Variants in GABBR1 observed in about 807,000 individuals in gnomAD.
GABBR1 encodes the protein GABA-B receptor, R1 subunit.
A neutral mutation model predicts 117.7 loss-of-function variants in GABBR1; 35 were observed. The ratio of observed to expected loss-of-function variants is 0.30; its 90% CI spans 0.23 to 0.39. The LOEUF is 0.39. Among genes scored for constraint, GABBR1 ranks in the 10% least tolerant of loss-of-function variants. The probability of loss-of-function intolerance (pLI) is 1.00; values close to 1 mark genes in which losing one functional copy is unlikely to be tolerated. For missense variants in GABBR1, 709 were observed against 1,241.8 expected (o/e 0.57, Z 6.45); for synonymous variants, 442 against 486.6 (o/e 0.91, Z 1.21).
chr6:29,632,958 G>A lies in GABBR1; in HGVS notation c.-109C>T. 5.4e-6 allele frequency: 1 copy of A among 184,230 alleles called. No homozygotes were observed. The highest frequency in any genetic ancestry group is 1.2e-5 in the Non-Finnish European group (1 of 85,512). 11.4% of individuals were successfully genotyped at this position (184,230 alleles called of 1,614,324 possible). A position where few individuals can be genotyped will look rare whatever the true frequency, so the allele number is the denominator to read the frequency against. On this transcript the variant is annotated 5_prime_UTR_variant, in exon 1 of 23. It adds an upstream start codon to the 5' untranslated region. Coordinates refer to ENST00000377034, the MANE Select transcript of GABBR1 (RefSeq NM_001470.4). The surrounding 1 kb of genome is among the most constrained non-coding windows in gnomAD (Gnocchi z 5.8). ...TCTCCTCCACCTTTCTCCTCCTCCC[G>A]TCCCTCCTCCCCTCGAATCCAGGCT...
At position 29,623,417 on chromosome 6, in the gene GABBR1, A is replaced by T; in HGVS notation, c.851T>A (p.Phe284Tyr). The T allele has an allele frequency of 6.2e-7, 1 of 1,614,016 alleles. No homozygotes were observed. Among genetic ancestry groups the T allele is most frequent in the Non-Finnish European group, 8.5e-7 (1 of 1,180,000 alleles). Residue 284 changes from phenylalanine (F) to tyrosine (Y), a missense_variant, in exon 8 of 23, where the codon TTC becomes TAC. Physicochemically the swap from Phe to Tyr is conservative, Grantham distance 22. Coordinates refer to ENST00000377034, the MANE Select transcript of GABBR1 (RefSeq NM_001470.4). This position sits in a 1 kb window ranked among gnomAD's most constrained non-coding sequence, Gnocchi z 6.2. The stretch of plus-strand genomic sequence containing the variant: ...GAGTGTGGCTGATGGGTGCGTTCGG[A>T]AGAAAGTGGGGAAACGCTGCCGGTT... Reference protein sequence around the residue: ...LSNRQRFPTFFRTHPSATLHN... With the variant: ...LSNRQRFPTFYRTHPSATLHN...
Position 29,605,795 on chromosome 6 carries a change from A to AG in GABBR1, c.2312-100dup. On this transcript the variant is annotated intron_variant, in intron 19 of 22. Transcript: ENST00000377034. The surrounding 1 kb of genome is among the most constrained non-coding windows in gnomAD (Gnocchi z 4.2). ...GCCCTTCACCTACTCTGAAATGGAA[A>AG]GGGGGCCCTCCTCTCCAATCCAACC... 1.4e-6 allele frequency: 2 copies of AG among 1,444,550 alleles called. No homozygotes were observed. The allele number at this position is 1,444,550 out of a possible 1,614,324, so 89.5% of individuals were successfully genotyped here.
Position 29,608,656 on chromosome 6 carries a change from G to A in GABBR1, c.1937C>T (p.Pro646Leu), listed in dbSNP as rs1460036447. The A allele has an allele frequency of 1.9e-6, 3 of 1,612,966 alleles. No homozygotes were observed. The highest frequency in any genetic ancestry group is 2.5e-6 in the Non-Finnish European group (3 of 1,180,036). ...AATGTGGTAACCATCGAGCCCCAGG[G>A]GGAAGACAGCAGCTAAAGCCAGTGA... ...GCSLALAAVFPLGLDGYHIGR... is the reference protein window; with the variant it reads ...GCSLALAAVFLLGLDGYHIGR... The change falls in exon 16 of 23, where the codon CCC (proline) becomes CTC (leucine). Residue 646 changes from proline (P) to leucine (L), a missense_variant. This residue lies in a region of GABBR1 where 251 missense variants were observed against 445.3 expected (regional missense o/e 0.56). Coordinates refer to ENST00000377034, the MANE Select transcript of GABBR1 (RefSeq NM_001470.4).
At position 29,604,588 on chromosome 6, in the gene GABBR1, G is replaced by T. The variant is rs1263612239; in HGVS notation, c.2618C>A (p.Thr873Asn). ...GTTGGTCGATGACCCTGTCTTCATG[G>T]TGTCCTGCGCCTCCGACTGCCATTC... Reference protein sequence around the residue: ...RGEWQSEAQDTMKTGSSTNNN... With the variant: ...RGEWQSEAQDNMKTGSSTNNN... Residue 873 changes from threonine (T) to asparagine (N), a missense_variant, in exon 22 of 23, where the codon ACC (threonine) becomes AAC (asparagine). Physicochemically the swap from Thr to Asn is moderately conservative, Grantham distance 65. Transcript: ENST00000377034. The surrounding 1 kb of genome is among the most constrained non-coding windows in gnomAD (Gnocchi z 5.3). The T allele has an allele frequency of 6.2e-7, 1 of 1,613,240 alleles. No homozygotes were observed. Among genetic ancestry groups the T allele is most frequent in the South Asian group, 1.1e-5 (1 of 91,088 alleles).
chr6:29,606,810 C>G lies in GABBR1; in HGVS notation c.2217+87G>C, dbSNP rs1191437628. On this transcript the variant is annotated intron_variant, in intron 18 of 22. Transcript: ENST00000377034. This position sits in a 1 kb window ranked among gnomAD's most constrained non-coding sequence, Gnocchi z 4.5. ...AGGCACTCTCTCCAAGTAGCTTCAT[C>G]CCTCAAGACACACACAGCCCCAGGG... 1.8e-6 allele frequency: 2 copies of G among 1,084,718 alleles called. No homozygotes were observed. Among genetic ancestry groups the G allele is most frequent in the Non-Finnish European group, 2.8e-6 (2 of 724,726 alleles). 67.2% of individuals were successfully genotyped at this position (1,084,718 alleles called of 1,614,324 possible).
chr6:29,627,449 G>GCCCCC lies in GABBR1; in HGVS notation c.657+32_657+36dup. On this transcript the variant is annotated intron_variant, in intron 6 of 22. Transcript: ENST00000377034. The surrounding 1 kb of genome is among the most constrained non-coding windows in gnomAD (Gnocchi z 4.4). ...AGCTGGCTGGCCCCCTGCCCCGCAA[G>GCCCCC]CCCCCACCTCCCACCCACCCCCATG... The GCCCCC allele has an allele frequency of 3.3e-6, 4 of 1,204,812 alleles. No homozygotes were observed. Among genetic ancestry groups the GCCCCC allele is most frequent in the South Asian group, 1.4e-5 (1 of 73,894 alleles). The allele number at this position is 1,204,812 out of a possible 1,614,324, so 74.6% of individuals were successfully genotyped here.
chr6:29,611,089 G>T lies in GABBR1; in HGVS notation c.1631-88C>A. 9.7e-7 allele frequency: 1 copy of T among 1,030,460 alleles called. No homozygotes were observed. Among genetic ancestry groups the T allele is most frequent in the South Asian group, 1.3e-5 (1 of 75,540 alleles). The allele number at this position is 1,030,460 out of a possible 1,614,324, so 63.8% of individuals were successfully genotyped here. A position where few individuals can be genotyped will look rare whatever the true frequency, so the allele number is the denominator to read the frequency against. ...CAACTTCCCACTTCCCTAGAGCTTT[G>T]CATGGTTGTATCTGATTTTATTTTC... is the stretch of plus-strand genomic sequence containing the variant. On this transcript the variant is annotated intron_variant, in intron 13 of 22. Transcript: ENST00000377034. This position sits in a 1 kb window ranked among gnomAD's most constrained non-coding sequence, Gnocchi z 4.6.
intron 11 of GABBR1, among the ~76,000 whole-genome samples, chr6:29,614,777 C>T (rs1277642207): frequency 1.3e-5 from 2 of 151,978 alleles, no homozygotes; most frequent in Non-Finnish European, 2.9e-5. Context: ...TTGTCCAAAC[C>T]CATAGAATAT....
chr6:29,624,130 C>G (rs1764036106), intron 6 of GABBR1, 106 bp from the exon 7 acceptor site: 1 of 1,105,106 alleles, frequency 9.0e-7, no homozygotes, highest in Non-Finnish European at 1.2e-6. Context: ...CTCAATTACT[C>G]ACTTTCATCA....
chr6:29,609,341 T>C lies in GABBR1; in HGVS notation c.1747A>G (p.Thr583Ala). The change falls in exon 15 of 23, where the codon ACA becomes GCA. Residue 583 changes from threonine to alanine, a missense_variant. Thr to Ala is a moderately conservative substitution (Grantham distance 58). Coordinates refer to ENST00000377034, the MANE Select transcript of GABBR1 (RefSeq NM_001470.4). The surrounding 1 kb of genome is among the most constrained non-coding windows in gnomAD (Gnocchi z 4.3). ...AGTTTCTGTGACAGGAAGCGGAATG[T>C]CTTGATGACCAGGGTCTGGTCAGCT... ...PPADQTLVIKTFRFLSQKLFI... is the reference protein window; with the variant it reads ...PPADQTLVIKAFRFLSQKLFI... The C allele has an allele frequency of 6.2e-7, 1 of 1,612,844 alleles. No individual in the cohort carries two copies. The highest frequency in any genetic ancestry group is 8.5e-7 in the Non-Finnish European group (1 of 1,180,002).
Position 29,632,425 on chromosome 6 carries a change from C to A in GABBR1, c.1-40G>T, listed in dbSNP as rs984731245. On this transcript the variant is annotated intron_variant, in intron 1 of 22. Transcript: ENST00000377034. This position sits in a 1 kb window ranked among gnomAD's most constrained non-coding sequence, Gnocchi z 5.8. ...GCCATGAGGACTGGACCGAGCCCCG[C>A]CGGCGCGGCCCGCACCCGGAGACTA... 9 of 1,312,792 alleles carry A rather than the reference C, an allele frequency of 6.9e-6. No individual in the cohort carries two copies. The highest frequency in any genetic ancestry group is 7.9e-6 in the Non-Finnish European group (8 of 1,015,182). The allele number at this position is 1,312,792 out of a possible 1,614,324, so 81.3% of individuals were successfully genotyped here. A position where few individuals can be genotyped will look rare whatever the true frequency, so the allele number is the denominator to read the frequency against.
rs369129232 is a variant in GABBR1 at position 29,622,778 on chromosome 6, G to A, written c.963+527C>T. On this transcript the variant is annotated intron_variant, in intron 8 of 22. Transcript: ENST00000377034. This position sits in a 1 kb window ranked among gnomAD's most constrained non-coding sequence, Gnocchi z 4.6. ...CCCCCTCAACCTCTCCTTGTCTGTC[G>A]GCTTCTCTCTCTTAGTACCAACTAC... 1.3e-5 allele frequency among the ~76,000 whole-genome samples: 2 copies of A among 151,372 alleles called. No individual in the cohort carries two copies. Among genetic ancestry groups the A allele is most frequent in the African/African-American group, 2.4e-5 (1 of 41,118 alleles).
Position 29,627,384 on chromosome 6 carries a change from C to G in GABBR1, c.657+102G>C. ...AGTCACACAAGGGAGGGGTCTGCCT[C>G]GCAATCCCAGAGACGACTCAGACAG... is the stretch of plus-strand genomic sequence containing the variant. On this transcript the variant is annotated intron_variant, in intron 6 of 22. Transcript: ENST00000377034. This position sits in a 1 kb window ranked among gnomAD's most constrained non-coding sequence, Gnocchi z 4.4. 8.1e-7 allele frequency: 1 copy of G among 1,232,180 alleles called. No homozygotes were observed. The highest frequency in any genetic ancestry group is 1.1e-6 in the Non-Finnish European group (1 of 884,698). 76.3% of individuals were successfully genotyped at this position (1,232,180 alleles called of 1,614,324 possible). A position where few individuals can be genotyped will look rare whatever the true frequency, so the allele number is the denominator to read the frequency against.
In GABBR1 at chr6:29,613,598, T is replaced by C; in HGVS notation, c.1324-113A>G. ...TACTTGAATGGATGGTTTGTGTTAC[T>C]GTTGTCAGATTGGACACATGTACAT... On this transcript the variant is annotated intron_variant, in intron 11 of 22. Coordinates refer to ENST00000377034, the MANE Select transcript of GABBR1 (RefSeq NM_001470.4). This position sits in a 1 kb window ranked among gnomAD's most constrained non-coding sequence, Gnocchi z 4.1. 3.0e-6 allele frequency: 4 copies of C among 1,329,876 alleles called. No individual in the cohort carries two copies. The highest frequency in any genetic ancestry group is 4.2e-6 in the Non-Finnish European group (4 of 962,616). The allele number at this position is 1,329,876 out of a possible 1,614,324, so 82.4% of individuals were successfully genotyped here. A position where few individuals can be genotyped will look rare whatever the true frequency, so the allele number is the denominator to read the frequency against.
chr6:29,619,768 TC>T (rs1763564304), intron 11 of GABBR1, among the ~76,000 whole-genome samples: 2 of 152,046 alleles, frequency 1.3e-5, no homozygotes, highest in African/African-American at 4.8e-5. Flanking sequence ...GGTAGCCAGT[TC>T]CAATACTTTC....
At chr6:29,617,474 G>A (rs1321657029) in intron 11 of GABBR1, among the ~76,000 whole-genome samples, 2 of 151,824 alleles carry the variant, frequency 1.3e-5, no homozygotes, top group Non-Finnish European at 2.9e-5. Context: ...GCTGATTTGT[G>A]TATTTTTAGC....
chr6:29,608,182 C>G (rs186832173), intron 16 of GABBR1, among the ~76,000 whole-genome samples: 2 of 152,174 alleles, frequency 1.3e-5, no homozygotes, highest in African/African-American at 2.4e-5. Context: ...TCCCTTCCCC[C>G]CAACTCTCTG....
rs1764366582 is a variant in GABBR1 at position 29,627,251 on chromosome 6, G to A, written c.657+235C>T. On this transcript the variant is annotated intron_variant, in intron 6 of 22. Transcript: ENST00000377034. This position sits in a 1 kb window ranked among gnomAD's most constrained non-coding sequence, Gnocchi z 4.4. ...GAGACTCCCGCAGCGGGGCAGAAGG[G>A]TCTGCCTTGCAGCATGCTTAACCAT... is the stretch of plus-strand genomic sequence containing the variant. 6.6e-6 allele frequency among the ~76,000 whole-genome samples: 1 copy of A among 152,156 alleles called. No individual in the cohort carries two copies. Among genetic ancestry groups the A allele is most frequent in the African/African-American group, 2.4e-5 (1 of 41,438 alleles).
At position 29,609,394 on chromosome 6, in the gene GABBR1, G is replaced by A. The variant is rs763352731; in HGVS notation, c.1709-15C>T. ...GGGGGACCCTCCTGCATGGCACAGG[G>A]GAGGAAGAGGGGAAGGGAAAAGAGA... On this transcript the variant is annotated splice_polypyrimidine_tract_variant and intron_variant, in intron 14 of 22. Transcript: ENST00000377034. This position sits in a 1 kb window ranked among gnomAD's most constrained non-coding sequence, Gnocchi z 4.3. 3.7e-6 allele frequency: 6 copies of A among 1,611,628 alleles called. No homozygotes were observed. Among genetic ancestry groups the A allele is most frequent in the Non-Finnish European group, 4.2e-6 (5 of 1,178,944 alleles).
Sources: gnomAD v4.1 joint callset for allele counts (sites outside exome capture counted in the v4.1 genomes callset) on GRCh38, gnomAD v4.1.1 for gene constraint, gnomAD v4.1.1 regional missense constraint, Gnocchi (gnomAD v3.1) non-coding constraint, MANE v1.5 for transcripts, NCBI Gene and HGNC (gene_info 2026-07-23, HGNC 2026-07-21) for gene names.